CPA6: variants seen among roughly 807,000 people sequenced by gnomAD.
The protein encoded by CPA6 is carboxypeptidase B.
A neutral mutation model predicts 63.3 loss-of-function variants in CPA6; 58 were observed. That is an observed-to-expected ratio of 0.92 (90% CI 0.74 to 1.14). The LOEUF is 1.14. Ranked by LOEUF, CPA6 falls within the 50% of genes most tolerant of loss-of-function variation. CPA6 has a pLI of 0.00. For synonymous variants in CPA6, 185 were observed against 179.0 expected (o/e 1.03, Z -0.27); for missense variants, 565 against 526.6 (o/e 1.07, Z -0.71).
chr8:67,722,403 T>G (rs930260761), intron 1 of CPA6, among the ~76,000 whole-genome samples: 2 of 152,342 alleles, frequency 1.3e-5, no homozygotes, highest in Non-Finnish European at 2.9e-5. Context: ...GTTACATTTT[T>G]TAAATCTGCA....
intron 1 of CPA6, among the ~76,000 whole-genome samples, chr8:67,672,844 G>A (rs1816379105): frequency 6.6e-6 from 1 of 152,072 alleles, no homozygotes. Flanking sequence ...AGCCCTAACT[G>A]CCTCATTAGC....
chr8:67,653,636 T>C (rs1044770894), intron 1 of CPA6, among the ~76,000 whole-genome samples: 435 of 152,268 alleles, frequency 2.9e-3, no homozygotes, highest in African/African-American at 9.2e-3. Context: ...CTTAAGGAGA[T>C]TTTGGGCTGA....
At chr8:67,510,428 G>A (rs80310455) in intron 4 of CPA6, among the ~76,000 whole-genome samples, 187 of 148,016 alleles carry the variant, frequency 1.3e-3, no homozygotes, top group Middle Eastern at 3.7e-3. Context: ...GTGTGTGTGT[G>A]TATACACATA....
At chr8:67,698,032 A>T (rs752076090) in intron 1 of CPA6, among the ~76,000 whole-genome samples, 4 of 152,318 alleles carry the variant, frequency 2.6e-5, no homozygotes, top group Non-Finnish European at 5.9e-5. Flanking sequence ...AGGTCCAGGA[A>T]ATGAGAACCT....
In CPA6 at chr8:67,686,812, G is replaced by C. The variant is rs1816718091; in HGVS notation, c.116+59202C>G. 2.0e-5 allele frequency among the ~76,000 whole-genome samples: 3 copies of C among 152,170 alleles called. No homozygotes were observed. The South Asian group carries it at 6.2e-4, about 32-fold the overall frequency. ...TACAAGAGGGGAGAGGTTGGGAGTG[G>C]CTTCTGAAAGAGATAAAAGAAATCA... On this transcript the variant is annotated intron_variant, in intron 1 of 10. Transcript: ENST00000297770.
At chr8:67,586,479 G>C (rs897215521) in intron 2 of CPA6, among the ~76,000 whole-genome samples, 3 of 152,132 alleles carry the variant, frequency 2.0e-5, no homozygotes, top group Non-Finnish European at 2.9e-5. Context: ...GTATAAACAA[G>C]AGCTACGAGT....
At chr8:67,615,307 A>G (rs1814916809) in intron 2 of CPA6, among the ~76,000 whole-genome samples, 1 of 152,228 alleles carries the variant, frequency 6.6e-6, no homozygotes, top group African/African-American at 2.4e-5. Context: ...TGGTTTATAC[A>G]CTTGATAGAA....
chr8:67,486,623 C>G (rs1319351158), intron 6 of CPA6, among the ~76,000 whole-genome samples: 1 of 152,084 alleles, frequency 6.6e-6, no homozygotes, highest in Non-Finnish European at 1.5e-5. Context: ...TTGTCCTTGT[C>G]TGGTTTTGCT....
chr8:67,526,668 G>A (rs974457223), intron 2 of CPA6, among the ~76,000 whole-genome samples: 11 of 152,158 alleles, frequency 7.2e-5, no homozygotes, highest in Non-Finnish European at 1.5e-4. Flanking sequence ...AGGCCAGGTG[G>A]TTGGGAGGTG....
intron 6 of CPA6, among the ~76,000 whole-genome samples, chr8:67,498,658 T>C (rs1811771529): frequency 6.6e-6 from 1 of 152,026 alleles, no homozygotes. Flanking sequence ...GTCCAGCATG[T>C]CTGTGTTCAT....
At chr8:67,723,235 A>G (rs1017098821) in intron 1 of CPA6, among the ~76,000 whole-genome samples, 4 of 152,194 alleles carry the variant, frequency 2.6e-5, no homozygotes, top group African/African-American at 9.7e-5. Flanking sequence ...CAATTTTAAC[A>G]CACATGCTAA....
At chr8:67,740,444 A>G (rs1032979435) in intron 1 of CPA6, among the ~76,000 whole-genome samples, 1 of 152,222 alleles carries the variant, frequency 6.6e-6, no homozygotes, top group Non-Finnish European at 1.5e-5. Context: ...TAAGGTAGAA[A>G]ACTAGTATTA....
At chr8:67,558,552 A>T (rs1813122293) in intron 2 of CPA6, among the ~76,000 whole-genome samples, 1 of 152,228 alleles carries the variant, frequency 6.6e-6, no homozygotes, top group South Asian at 2.1e-4. Context: ...AGAGTACCTA[A>T]ATATATAACT....
At chr8:67,632,603 C>T (rs1351491768) in intron 1 of CPA6, among the ~76,000 whole-genome samples, 1 of 152,194 alleles carries the variant, frequency 6.6e-6, no homozygotes, top group Non-Finnish European at 1.5e-5. Context: ...TGAGCCACTG[C>T]ACCAAGCCTC....
intron 9 of CPA6, among the ~76,000 whole-genome samples, chr8:67,433,712 A>G (rs1462841633): frequency 6.6e-6 from 1 of 152,210 alleles, no homozygotes; most frequent in Non-Finnish European, 1.5e-5. Flanking sequence ...GTTTGAAATG[A>G]TTGTATTTGA....
chr8:67,501,273 C>T (rs1811825537), intron 6 of CPA6, among the ~76,000 whole-genome samples: 1 of 152,106 alleles, frequency 6.6e-6, no homozygotes, highest in African/African-American at 2.4e-5. Context: ...AAGTCCTGTA[C>T]ATGTTTTGCT....
At chr8:67,438,612 A>T (rs1810216491) in intron 8 of CPA6, among the ~76,000 whole-genome samples, 1 of 152,194 alleles carries the variant, frequency 6.6e-6, no homozygotes, top group Non-Finnish European at 1.5e-5. Flanking sequence ...AACTCCAGAG[A>T]GCCTACTCTA....
In CPA6 at chr8:67,684,576, T is replaced by C. The variant is rs542504417; in HGVS notation, c.117-60325A>G. On this transcript the variant is annotated intron_variant, in intron 1 of 10. Transcript: ENST00000297770. ...TGAAACAGAGCATGCGTACCCGGCC[T>C]CTCTCCAGCTCAAGATTGGCCGGAT... Among the ~76,000 whole-genome samples the C allele has an allele frequency of 2.0e-5, 3 of 152,180 alleles. No individual in the cohort carries two copies. The East Asian group carries it at 5.8e-4, about 30-fold the overall frequency.
At chr8:67,658,806 A>T (rs1351790191) in intron 1 of CPA6, among the ~76,000 whole-genome samples, 6 of 152,088 alleles carry the variant, frequency 3.9e-5, no homozygotes, top group Non-Finnish European at 8.8e-5. Context: ...TTTTCAACCC[A>T]ACATCTCATC....
Sources: gnomAD v4.1 joint callset for allele counts (sites outside exome capture counted in the v4.1 genomes callset) on GRCh38, gnomAD v4.1.1 for gene constraint, MANE v1.5 for transcripts, NCBI Gene and HGNC (gene_info 2026-07-23, HGNC 2026-07-21) for gene names.